Variants in CRB1 observed in about 807,000 individuals in gnomAD.
The protein encoded by CRB1 is crumbs cell polarity complex component 1.
In CRB1, 83 loss-of-function variants were observed where a neutral mutation model predicts 120.0. The ratio of observed to expected loss-of-function variants is 0.69; its 90% CI spans 0.58 to 0.83. The LOEUF (loss-of-function observed/expected upper bound fraction) is 0.83. CRB1 is among the 40% of genes least tolerant of loss of function. CRB1 has a pLI of 0.00. For synonymous variants in CRB1, 625 were observed against 612.5 expected (o/e 1.02, Z -0.30); for missense variants, 1,699 against 1,687.6 (o/e 1.01, Z -0.12).
At chr1:197,398,349 T>C (rs1662881426) in intron 5 of CRB1, among the ~76,000 whole-genome samples, 1 of 152,194 alleles carries the variant, frequency 6.6e-6, no homozygotes, top group Non-Finnish European at 1.5e-5. Flanking sequence ...AAAGTAAAGT[T>C]GAGCATTGTA....
chr1:197,376,082 C>G (rs186234760), intron 5 of CRB1, among the ~76,000 whole-genome samples: 1 of 152,212 alleles, frequency 6.6e-6, no homozygotes, highest in Non-Finnish European at 1.5e-5. Context: ...AACATCTGCC[C>G]CCTTTTCTTC....
intron 5 of CRB1, among the ~76,000 whole-genome samples, chr1:197,358,896 A>G (rs1471227777): frequency 6.6e-6 from 1 of 152,206 alleles, no homozygotes; most frequent in East Asian, 1.9e-4. Flanking sequence ...AAGTTTTGCA[A>G]ACAGATAACC....
rs551292713 is a variant in CRB1, at chr1:197,332,050, G to A, written c.652+3047G>A. Among the ~76,000 whole-genome samples the A allele has an allele frequency of 9.2e-5, 14 of 152,182 alleles. No homozygotes were observed. The South Asian group carries it at 2.9e-3, about 32-fold the overall frequency. ...CAGCTACTGGGAGGCTGAGGCAGGA[G>A]AATTGCTTGAATTGGGGAGGCAGAG... On this transcript the variant is annotated intron_variant, in intron 2 of 11. Transcript: ENST00000367400.
rs1192169952 is a variant in CRB1 at position 197,344,339 on chromosome 1, A to G, written c.711A>G (p.Ala237=). ...GGTCCCAGCCTTGTTTAAATGGTGC[A>G]ACTTGTCAGGATGCTCTGGGGGCCT... The part of the protein sequence containing the change: ...ECWSQPCLNG[A]TCQDALGAYF... Residue 237 remains alanine (A), a synonymous_variant, in exon 3 of 12, where the codon GCA becomes GCG. Transcript: ENST00000367400. The G allele has an allele frequency of 1.2e-6, 2 of 1,614,060 alleles. No homozygotes were observed. The highest frequency in any genetic ancestry group is 2.7e-5 in the African/African-American group (2 of 74,922).
intron 11 of CRB1, among the ~76,000 whole-genome samples, chr1:197,467,973 C>T (rs1571625167): frequency 6.6e-6 from 1 of 152,150 alleles, no homozygotes; most frequent in East Asian, 1.9e-4. Context: ...TTGGTAAACA[C>T]TTTCCTGGCA....
At chr1:197,315,224 G>A (rs896030920) in intron 1 of CRB1, among the ~76,000 whole-genome samples, 3 of 152,006 alleles carry the variant, frequency 2.0e-5, no homozygotes, top group African/African-American at 4.8e-5. Flanking sequence ...TCAGGAGGGC[G>A]AGTCTTGTAC....
chr1:197,393,517 A>T (rs1662614490), intron 5 of CRB1, among the ~76,000 whole-genome samples: 1 of 134,052 alleles, frequency 7.5e-6, no homozygotes, highest in South Asian at 2.3e-4. Context: ...CTTGAAAAGT[A>T]GTCATTTTTT....
At chr1:197,219,802 A>G in the CRB1 span, among the ~76,000 whole-genome samples, 4 of 152,212 alleles carry the variant, frequency 2.6e-5, no homozygotes, top group African/African-American at 9.7e-5. Context: ...TGCTCCAGCC[A>G]CAATGATCTT....
At chr1:197,209,226 C>T in the CRB1 span, among the ~76,000 whole-genome samples, 1 of 152,250 alleles carries the variant, frequency 6.6e-6, no homozygotes, top group Admixed American at 6.5e-5. Flanking sequence ...TGTGTCTGCA[C>T]TCCCGATTTG....
intron 11 of CRB1, among the ~76,000 whole-genome samples, chr1:197,456,568 C>G (rs1332322185): frequency 6.6e-6 from 1 of 152,100 alleles, no homozygotes; most frequent in Non-Finnish European, 1.5e-5. Flanking sequence ...GTCTTGGAGA[C>G]AAGTGAGCCA....
intron 4 of CRB1, among the ~76,000 whole-genome samples, chr1:197,353,743 G>A (rs1271384520): frequency 6.8e-6 from 1 of 147,372 alleles, no homozygotes; most frequent in Non-Finnish European, 1.5e-5. Flanking sequence ...GGAGGCTGCA[G>A]TCAGCCAAGA....
chr1:197,455,824 C>T (rs564058379), intron 11 of CRB1, among the ~76,000 whole-genome samples: 89 of 152,078 alleles, frequency 5.9e-4, no homozygotes, highest in Non-Finnish European at 9.3e-4. Context: ...AAGATCATGG[C>T]TGTTATATTT....
At chr1:197,435,989 A>G (rs1665142367) in intron 9 of CRB1, among the ~76,000 whole-genome samples, 1 of 152,142 alleles carries the variant, frequency 6.6e-6, no homozygotes, top group Admixed American at 6.6e-5. Flanking sequence ...TTGCTAAAAT[A>G]ATGCCTTGAG....
intron 5 of CRB1, among the ~76,000 whole-genome samples, chr1:197,369,375 C>T (rs892184838): frequency 2.0e-5 from 3 of 152,092 alleles, no homozygotes; most frequent in Admixed American, 6.5e-5. Context: ...ACCACCATGA[C>T]ACGCACATTC....
At chr1:197,405,223 G>C (rs1157584084) in intron 5 of CRB1, among the ~76,000 whole-genome samples, 1 of 152,158 alleles carries the variant, frequency 6.6e-6, no homozygotes, top group African/African-American at 2.4e-5. Flanking sequence ...TTGCAGGCGC[G>C]CGCCGCCACG....
intron 1 of CRB1, among the ~76,000 whole-genome samples, chr1:197,294,142 GA>G (rs1656369857): frequency 6.6e-6 from 1 of 152,112 alleles, no homozygotes; most frequent in Admixed American, 6.6e-5. Flanking sequence ...AAGAATGGGA[GA>G]AAATTTTTGC....
chr1:197,231,162 A>AT, the CRB1 span, among the ~76,000 whole-genome samples: 1 of 152,220 alleles, frequency 6.6e-6, no homozygotes, highest in Non-Finnish European at 1.5e-5. Context: ...TACATGTTTT[A>AT]TAAACAGTTA....
chr1:197,346,924 A>T (rs901248314), intron 3 of CRB1, among the ~76,000 whole-genome samples: 2 of 152,208 alleles, frequency 1.3e-5, no homozygotes, highest in African/African-American at 4.8e-5. Flanking sequence ...GAGTGCCATG[A>T]TGGTATAAAT....
At chr1:197,244,554 G>A in the CRB1 span, among the ~76,000 whole-genome samples, 3 of 151,894 alleles carry the variant, frequency 2.0e-5, no homozygotes, top group African/African-American at 7.2e-5. Context: ...TTACTTACAG[G>A]TAGGGTGTAA....
Sources: gnomAD v4.1 joint callset for allele counts (sites outside exome capture counted in the v4.1 genomes callset) on GRCh38, gnomAD v4.1.1 for gene constraint, MANE v1.5 for transcripts, NCBI Gene and HGNC (gene_info 2026-07-23, HGNC 2026-07-21) for gene names.